Variants in ARFGAP3 observed in about 807,000 individuals in gnomAD.
The protein encoded by ARFGAP3 is ARF GTPase activating protein 3.
A neutral mutation model predicts 75.0 loss-of-function variants in ARFGAP3; 72 were observed. The observed-to-expected ratio is 0.96, with a 90% CI of 0.79 to 1.17. The LOEUF is 1.17. Among genes scored for constraint, ARFGAP3 ranks in the 50% most tolerant of loss-of-function variants. ARFGAP3 has a pLI of 0.00. For missense variants in ARFGAP3, 620 were observed against 626.6 expected, an observed-to-expected ratio of 0.99 and a Z score of 0.11; for synonymous variants, 221 against 217.9, an observed-to-expected ratio of 1.01 and a Z score of -0.13.
At chr22:42,848,081 C>A (rs1172043723) in intron 1 of ARFGAP3, among the ~76,000 whole-genome samples, 1 of 151,794 alleles carries the variant, frequency 6.6e-6, no homozygotes, top group Non-Finnish European at 1.5e-5. Context: ...ACAGGCTGGT[C>A]TCGAATTCCT....
In ARFGAP3 at chr22:42,838,288, A is replaced by ATT. The variant is rs200113978; in HGVS notation, c.261+2655_261+2656insAA. Among the ~76,000 whole-genome samples the ATT allele has an allele frequency of 7.0e-4, 92 of 130,714 alleles. 1 individual carries two copies. Among genetic ancestry groups the ATT allele is most frequent in the African/African-American group, 2.0e-3 (63 of 31,944 alleles). 85.8% of individuals were successfully genotyped at this position (130,714 alleles called of 152,430 possible). Reference sequence around the variant, plus strand: ...TATACACACACACATATATATATATATATTTTTTTTTTCTTTTTTTTTTTT... The same window carrying ATT: ...TATACACACACACATATATATATATATTTATTTTTTTTTTCTTTTTTTTTTTT... On this transcript the variant is annotated intron_variant, in intron 3 of 15. Coordinates refer to ENST00000263245, the MANE Select transcript of ARFGAP3 (RefSeq NM_014570.5).
intron 12 of ARFGAP3, 157 bp from the exon 13 acceptor site, chr22:42,809,047 G>A: frequency 5.3e-6 from 3 of 571,214 alleles, no homozygotes; most frequent in Non-Finnish European, 4.4e-6. Context: ...AAAAAAAAAA[G>A]AATAAATACC....
Position 42,810,876 on chromosome 22 carries a change from T to C in ARFGAP3, c.1133A>G (p.Tyr378Cys), listed in dbSNP as rs61730560. 2.2e-3 allele frequency: 3,599 copies of C among 1,614,186 alleles called. 36 individuals are homozygous for C. In the African/African-American group the frequency reaches 0.033, roughly 15 times the overall value. Reference sequence around the variant, plus strand: ...ATCTTTGCTGGTCTCTTTTTTCCAATAGGAATCTGAACTGTCATCCCAGCT... The same window carrying C: ...ATCTTTGCTGGTCTCTTTTTTCCAACAGGAATCTGAACTGTCATCCCAGCT... ...FSSWDDSSDS[Y>C]WKKETSKDTE... The change falls in exon 12 of 16, where the codon TAT (tyrosine) becomes TGT (cysteine). Residue 378 changes from tyrosine to cysteine, a missense_variant. By Grantham distance (194) the Tyr-to-Cys change is radical. Coordinates refer to ENST00000263245, the MANE Select transcript of ARFGAP3 (RefSeq NM_014570.5).
intron 14 of ARFGAP3, among the ~76,000 whole-genome samples, chr22:42,802,483 T>C (rs1458011899): frequency 6.7e-6 from 1 of 149,550 alleles, no homozygotes; most frequent in Non-Finnish European, 1.5e-5. Context: ...TTAGTAGAGA[T>C]GGGGTTTCAC....
chr22:42,817,650 C>G, intron 10 of ARFGAP3, 79 bp downstream of exon 10: 2 of 1,202,696 alleles, frequency 1.7e-6, no homozygotes, highest in Non-Finnish European at 2.4e-6. Flanking sequence ...AAAGTTGAAA[C>G]TAACACAGTC....
chr22:42,821,855 A>G (rs8142478), intron 9 of ARFGAP3, among the ~76,000 whole-genome samples: 5,867 of 152,312 alleles, frequency 0.039, 160 homozygotes, highest in African/African-American at 0.074. Context: ...GCCATCAGCA[A>G]TGTACAAGGG....
At chr22:42,854,852 C>A (rs1371546215) in intron 1 of ARFGAP3, among the ~76,000 whole-genome samples, 1 of 152,120 alleles carries the variant, frequency 6.6e-6, no homozygotes, top group African/African-American at 2.4e-5. Context: ...GGTTTCAAAC[C>A]AATGATCAAA....
intron 14 of ARFGAP3, among the ~76,000 whole-genome samples, chr22:42,802,493 C>G (rs1051456928): frequency 2.7e-5 from 4 of 150,662 alleles, no homozygotes; most frequent in African/African-American, 9.8e-5. Flanking sequence ...TGGGGTTTCA[C>G]CGTGTTAGCC....
intron 3 of ARFGAP3, among the ~76,000 whole-genome samples, chr22:42,836,715 T>C (rs1926535247): frequency 6.6e-6 from 1 of 152,192 alleles, no homozygotes; most frequent in African/African-American, 2.4e-5. Flanking sequence ...CTAATTTAAC[T>C]GATAATGATA....
At chr22:42,856,517 C>A (rs1007693110) in intron 1 of ARFGAP3, among the ~76,000 whole-genome samples, 2 of 152,202 alleles carry the variant, frequency 1.3e-5, no homozygotes. Flanking sequence ...AAAAAGGAAA[C>A]CTCCATCTCC....
Position 42,853,501 on chromosome 22 carries a change from G to GTGATGAGTGACCAAAA in ARFGAP3, c.69+3612_69+3613insTTTTGGTCACTCATCA, listed in dbSNP as rs1569178899. The GTGATGAGTGACCAAAA allele has an allele frequency of 1.2e-4, 26 of 216,728 alleles. 1 individual carries two copies. In the South Asian group the frequency reaches 2.1e-3, roughly 18 times the overall value. 13.4% of individuals were successfully genotyped at this position (216,728 alleles called of 1,614,324 possible). On this transcript the variant is annotated intron_variant, in intron 1 of 15. Coordinates refer to ENST00000263245, the MANE Select transcript of ARFGAP3 (RefSeq NM_014570.5). ...CTCATCAAGGTGCCACCTCTGAAAG[G>GTGATGAGTGACCAAAA]GGCACTTCTGGATGAGCTGACATGG...
At chr22:42,815,606 T>C (rs1391229143) in intron 11 of ARFGAP3, among the ~76,000 whole-genome samples, 3 of 152,278 alleles carry the variant, frequency 2.0e-5, no homozygotes, top group East Asian at 3.9e-4. Flanking sequence ...TGTGTGGGTG[T>C]GTATATATAC....
intron 14 of ARFGAP3, among the ~76,000 whole-genome samples, chr22:42,801,354 T>C (rs897605045): frequency 2.6e-5 from 4 of 152,168 alleles, no homozygotes; most frequent in Admixed American, 6.5e-5. Context: ...TTGGGGCAAA[T>C]GCCCTGGATG....
At chr22:42,807,276 T>C in intron 13 of ARFGAP3, 113 bp from the exon 14 acceptor site, 1 of 1,457,440 alleles carries the variant, frequency 6.9e-7, no homozygotes, top group South Asian at 1.4e-5. Flanking sequence ...GGCTCTTTCT[T>C]TCCAACAGTT....
intron 6 of ARFGAP3, 86 bp from the exon 7 acceptor site, chr22:42,827,085 G>T: frequency 6.8e-7 from 1 of 1,468,132 alleles, no homozygotes; most frequent in Non-Finnish European, 8.9e-7. Flanking sequence ...CTTGCTCAGT[G>T]CTACATCTTA....
intron 1 of ARFGAP3, among the ~76,000 whole-genome samples, chr22:42,848,534 C>A (rs1401079387): frequency 6.6e-6 from 1 of 152,204 alleles, no homozygotes; most frequent in Non-Finnish European, 1.5e-5. Context: ...TAACAATGCA[C>A]ACTATACATA....
At chr22:42,829,927 C>G (rs1479503270) in intron 6 of ARFGAP3, among the ~76,000 whole-genome samples, 1 of 152,168 alleles carries the variant, frequency 6.6e-6, no homozygotes, top group Non-Finnish European at 1.5e-5. Context: ...AAATGCCAGA[C>G]ACTTGTCCAA....
intron 1 of ARFGAP3, among the ~76,000 whole-genome samples, chr22:42,849,507 G>A (rs1446958399): frequency 6.6e-6 from 1 of 150,826 alleles, no homozygotes; most frequent in Non-Finnish European, 1.5e-5. Context: ...ACAAGGTCTG[G>A]CTCTCACCTA....
chr22:42,802,830 T>A (rs2413721), intron 14 of ARFGAP3, among the ~76,000 whole-genome samples: 2 of 149,718 alleles, frequency 1.3e-5, no homozygotes, highest in South Asian at 2.1e-4. Context: ...CTCGATCTCC[T>A]GACCCGTGAT....
Sources: gnomAD v4.1 joint callset for allele counts (sites outside exome capture counted in the v4.1 genomes callset) on GRCh38, gnomAD v4.1.1 for gene constraint, MANE v1.5 for transcripts, NCBI Gene and HGNC (gene_info 2026-07-23, HGNC 2026-07-21) for gene names.